SPON1: variants seen among roughly 807,000 people sequenced by gnomAD.
SPON1 encodes the protein spondin 1, also known as spondin-1.
SPON1 carries 52 observed loss-of-function variants against 111.7 expected under a neutral mutation model. That is an observed-to-expected ratio of 0.47 (90% CI 0.37 to 0.59). The LOEUF is 0.59. Among genes scored for constraint, SPON1 ranks in the 20% least tolerant of loss-of-function variants. The probability of loss-of-function intolerance (pLI) is 0.00; values close to 1 mark genes in which losing one functional copy is unlikely to be tolerated. For synonymous variants in SPON1, 410 were observed against 395.8 expected (o/e 1.04, Z -0.43); for missense variants, 957 against 1,068.5 (o/e 0.90, Z 1.46).
intron 6 of SPON1, among the ~76,000 whole-genome samples, chr11:14,200,355 G>A (rs1848448736): frequency 6.6e-6 from 1 of 152,198 alleles, no homozygotes; most frequent in Non-Finnish European, 1.5e-5. Context: ...AGGAAGGAAA[G>A]AAGTAAGAGA....
At chr11:14,240,351 C>T (rs1434672877) in intron 6 of SPON1, among the ~76,000 whole-genome samples, 1 of 152,156 alleles carries the variant, frequency 6.6e-6, no homozygotes, top group African/African-American at 2.4e-5. Context: ...TTTCATTTAA[C>T]TCAAATGATC....
intron 6 of SPON1, among the ~76,000 whole-genome samples, chr11:14,209,096 C>A (rs551160821): frequency 2.6e-5 from 4 of 151,874 alleles, no homozygotes; most frequent in Non-Finnish European, 5.9e-5. Flanking sequence ...TTGTTGTTTT[C>A]GTTTTCTTAT....
intron 15 of SPON1, 71 bp downstream of exon 15, chr11:14,263,046 A>T: frequency 2.5e-6 from 3 of 1,187,102 alleles, no homozygotes; most frequent in Non-Finnish European, 3.4e-6. Context: ...TAAGTCTTGG[A>T]CCTGTTTAAA....
intron 6 of SPON1, among the ~76,000 whole-genome samples, chr11:14,147,880 G>GA (rs1463132571): frequency 6.6e-6 from 1 of 151,834 alleles, no homozygotes; most frequent in Non-Finnish European, 1.5e-5. Context: ...ACAGGTCTCA[G>GA]AAAAGGAAAA....
chr11:14,170,678 C>A (rs1848088094), intron 6 of SPON1, among the ~76,000 whole-genome samples: 2 of 151,992 alleles, frequency 1.3e-5, no homozygotes, highest in South Asian at 4.2e-4. Flanking sequence ...CCATCAATAC[C>A]TAATTTATTG....
chr11:14,075,922 A>C (rs1848914097), intron 4 of SPON1, among the ~76,000 whole-genome samples: 1 of 152,108 alleles, frequency 6.6e-6, no homozygotes. Context: ...AGATTTGCAA[A>C]CTTATCAACC....
At position 14,028,441 on chromosome 11, in the gene SPON1, C is replaced by A. The variant is rs138624381; in HGVS notation, c.346-13080C>A. Reference sequence around the variant, plus strand: ...TGAGCTATGATCTTGTCACTTCACTCTAGCCGGGGCACAGAGTGAGACCCT... The same window carrying A: ...TGAGCTATGATCTTGTCACTTCACTATAGCCGGGGCACAGAGTGAGACCCT... On this transcript the variant is annotated intron_variant, in intron 2 of 15. Transcript: ENST00000576479. 1.4e-3 allele frequency among the ~76,000 whole-genome samples: 213 copies of A among 151,964 alleles called. 1 individual carries two copies. The highest frequency in any genetic ancestry group is 4.8e-3 in the African/African-American group (199 of 41,456).
intron 1 of SPON1, among the ~76,000 whole-genome samples, chr11:13,963,635 G>T (rs1554907752): frequency 6.6e-6 from 1 of 151,832 alleles, no homozygotes; most frequent in Non-Finnish European, 1.5e-5. Context: ...AGCCACTCCG[G>T]CTTCCCTGGA....
intron 6 of SPON1, among the ~76,000 whole-genome samples, chr11:14,215,378 GC>G (rs782599141): frequency 2.6e-5 from 4 of 152,168 alleles, no homozygotes; most frequent in Non-Finnish European, 5.9e-5. Flanking sequence ...ATACAAATGG[GC>G]TGGTGTAAAG....
chr11:14,161,249 A>C (rs1554931264), intron 6 of SPON1, among the ~76,000 whole-genome samples: 12 of 78,042 alleles, frequency 1.5e-4, no homozygotes, highest in African/African-American at 4.7e-4. Context: ...ATATATCTAT[A>C]TATTTATATA....
intron 6 of SPON1, among the ~76,000 whole-genome samples, chr11:14,220,086 CAA>C (rs149757475): frequency 0.54 from 63,224 of 117,912 alleles, 14,383 homozygotes; most frequent in Middle Eastern, 0.66. Flanking sequence ...GCACTTGGAT[CAA>C]AAAAAAAAAA....
chr11:14,072,923 C>T (rs1848888499), intron 3 of SPON1, among the ~76,000 whole-genome samples: 1 of 152,018 alleles, frequency 6.6e-6, no homozygotes, highest in African/African-American at 2.4e-5. Context: ...GTAATGTGGC[C>T]CTACCCATCT....
At chr11:14,057,228 T>C (rs976783510) in intron 3 of SPON1, among the ~76,000 whole-genome samples, 17 of 152,136 alleles carry the variant, frequency 1.1e-4, no homozygotes, top group African/African-American at 4.1e-4. Flanking sequence ...TGCCACCTGA[T>C]AGGATGCAAT....
intron 3 of SPON1, among the ~76,000 whole-genome samples, chr11:14,068,539 G>T (rs1044203448): frequency 1.3e-5 from 2 of 152,214 alleles, no homozygotes; most frequent in Non-Finnish European, 2.9e-5. Context: ...GCTCAGAGCA[G>T]AGAACGTTGT....
At chr11:14,003,285 G>A (rs1848333392) in intron 2 of SPON1, among the ~76,000 whole-genome samples, 1 of 152,222 alleles carries the variant, frequency 6.6e-6, no homozygotes, top group Non-Finnish European at 1.5e-5. Flanking sequence ...CTAAGCACCA[G>A]TGAGATCAGT....
rs558635570 is a variant in SPON1, at chr11:14,218,998, G to A, written c.826-24334G>A. Among the ~76,000 whole-genome samples the A allele has an allele frequency of 4.6e-5, 7 of 152,274 alleles. No individual in the cohort carries two copies. In the South Asian group the frequency reaches 1.2e-3, roughly 27 times the overall value. On this transcript the variant is annotated intron_variant, in intron 6 of 15. Transcript: ENST00000576479. ...TAGATGGGAATGGAGCACGGACTTA[G>A]CTGAGGAAGAATTTGGCCCTGCTCT... is the stretch of plus-strand genomic sequence containing the variant.
At chr11:14,022,088 C>T (rs567916224) in intron 2 of SPON1, among the ~76,000 whole-genome samples, 2 of 152,052 alleles carry the variant, frequency 1.3e-5, no homozygotes, top group African/African-American at 2.4e-5. Flanking sequence ...TTGACCTTAC[C>T]GTTTGGAAGA....
At chr11:14,229,741 T>G (rs781828408) in intron 6 of SPON1, among the ~76,000 whole-genome samples, 1 of 152,156 alleles carries the variant, frequency 6.6e-6, no homozygotes, top group African/African-American at 2.4e-5. Context: ...GGACAGCACT[T>G]TCCCCAAACT....
At chr11:13,997,127 G>T (rs1554911891) in intron 2 of SPON1, among the ~76,000 whole-genome samples, 2 of 152,172 alleles carry the variant, frequency 1.3e-5, no homozygotes, top group African/African-American at 4.8e-5. Context: ...ATGTATGTAT[G>T]CACACATGTA....
Sources: allele counts gnomAD v4.1 joint callset (sites outside exome capture counted in the v4.1 genomes callset), GRCh38; gene constraint gnomAD v4.1.1; transcripts MANE v1.5; gene names NCBI Gene and HGNC (gene_info 2026-07-23, HGNC 2026-07-21).